The following WWOX variants were observed in gnomAD, a reference collection of about 807,000 sequenced individuals.
The protein encoded by WWOX is WW domain containing oxidoreductase, also known as WW domain-containing oxidoreductase.
A neutral mutation model predicts 46.2 loss-of-function variants in WWOX; 69 were observed. The ratio of observed to expected loss-of-function variants is 1.49; its 90% CI spans 1.23 to 1.82. The LOEUF is 1.82. Among genes scored for constraint, WWOX ranks in the 40% most tolerant of loss-of-function variants. WWOX has a pLI of 0.00. For synonymous variants in WWOX, 359 were observed against 202.6 expected (o/e 1.77, Z -6.56); for missense variants, 919 against 542.6 (o/e 1.69, Z -6.89).
chr16:78,608,489 C>A (rs1301165583), intron 8 of WWOX, among the ~76,000 whole-genome samples: 3 of 152,190 alleles, frequency 2.0e-5, no homozygotes, highest in Admixed American at 1.3e-4. Flanking sequence ...AGTGTTTTCC[C>A]TTTCAGCAGG....
chr16:78,552,458 A>C (rs556506916), intron 8 of WWOX: 1 of 152,318 alleles, frequency 6.6e-6, no homozygotes, highest in African/African-American at 2.4e-5. Context: ...CATGCTGGAT[A>C]TTTACCGTCA....
chr16:79,083,795 C>G (rs1180510874), intron 8 of WWOX, among the ~76,000 whole-genome samples: 1 of 152,194 alleles, frequency 6.6e-6, no homozygotes, highest in Non-Finnish European at 1.5e-5. Flanking sequence ...GAGGTCTTGT[C>G]TAACTCCTTG....
At chr16:78,533,297 C>T (rs987816856) in intron 8 of WWOX, among the ~76,000 whole-genome samples, 10 of 151,980 alleles carry the variant, frequency 6.6e-5, no homozygotes, top group African/African-American at 9.7e-5. Flanking sequence ...AATCCCAGCA[C>T]TTTTGGGTCA....
chr16:79,205,671 G>A lies in WWOX; in HGVS notation c.1057-5937G>A, dbSNP rs369102614. On this transcript the variant is annotated intron_variant, in intron 8 of 8. Transcript: ENST00000566780. ...CTGTGAGTTAGCAAAACTCCCAAAG[G>A]TTTATGAAGAAAGTTACATTTCAAT... 3.0e-3 allele frequency: 451 copies of A among 152,232 alleles called. 1 individual carries two copies. Among genetic ancestry groups the A allele is most frequent in the African/African-American group, 0.01 (416 of 41,532 alleles). The allele number at this position is 152,232 out of a possible 1,614,324, so 9.4% of individuals were successfully genotyped here. A position where few individuals can be genotyped will look rare whatever the true frequency, so the allele number is the denominator to read the frequency against.
chr16:79,040,508 T>C (rs2047950509), intron 8 of WWOX, among the ~76,000 whole-genome samples: 1 of 152,098 alleles, frequency 6.6e-6, no homozygotes, highest in Non-Finnish European at 1.5e-5. Context: ...ACTCCTGAGC[T>C]CAGGTGATCT....
intron 8 of WWOX, among the ~76,000 whole-genome samples, chr16:79,198,663 C>T (rs1403225879): frequency 1.3e-5 from 2 of 152,182 alleles, no homozygotes; most frequent in Non-Finnish European, 2.9e-5. Flanking sequence ...TGACACAGGT[C>T]CAAATTTCCC....
chr16:78,887,381 G>C (rs1269249434), intron 8 of WWOX, among the ~76,000 whole-genome samples: 2 of 151,410 alleles, frequency 1.3e-5, no homozygotes, highest in African/African-American at 4.9e-5. Context: ...GAATTATTCA[G>C]TGCATTCGCT....
intron 6 of WWOX, among the ~76,000 whole-genome samples, chr16:78,414,845 T>C (rs928541080): frequency 6.6e-6 from 1 of 152,120 alleles, no homozygotes; most frequent in Non-Finnish European, 1.5e-5. Context: ...TGCCCAGGAA[T>C]GACCAAAGAC....
intron 8 of WWOX, among the ~76,000 whole-genome samples, chr16:79,192,441 A>T (rs1346296903): frequency 6.6e-6 from 1 of 152,102 alleles, no homozygotes; most frequent in East Asian, 1.9e-4. Context: ...ACAAAATCTC[A>T]TTTTCAAGGA....
intron 5 of WWOX, chr16:78,355,784 C>G: frequency 4.2e-6 from 3 of 714,534 alleles, no homozygotes; most frequent in Non-Finnish European, 7.3e-6. Flanking sequence ...AGTGTTCTTT[C>G]TCCGGGGAGA....
At chr16:78,608,218 C>A (rs567752365) in intron 8 of WWOX, among the ~76,000 whole-genome samples, 1 of 152,078 alleles carries the variant, frequency 6.6e-6, no homozygotes, top group African/African-American at 2.4e-5. Context: ...TGAGACAGAA[C>A]AAAGAAAAGA....
At chr16:78,635,540 G>C (rs1338106355) in intron 8 of WWOX, among the ~76,000 whole-genome samples, 1 of 152,168 alleles carries the variant, frequency 6.6e-6, no homozygotes, top group Non-Finnish European at 1.5e-5. Context: ...GGGGAGGGCA[G>C]ACAAGTTGCT....
At chr16:79,119,227 C>G (rs1440226895) in intron 8 of WWOX, among the ~76,000 whole-genome samples, 1 of 151,350 alleles carries the variant, frequency 6.6e-6, no homozygotes, top group Non-Finnish European at 1.5e-5. Flanking sequence ...GATAAACAAA[C>G]AAATGGTGTG....
intron 8 of WWOX, among the ~76,000 whole-genome samples, chr16:78,468,028 A>G (rs547426724): frequency 1.3e-5 from 2 of 152,252 alleles, no homozygotes; most frequent in South Asian, 2.1e-4. Flanking sequence ...ACTGTTTAAG[A>G]AAGCTCAAAA....
intron 5 of WWOX, among the ~76,000 whole-genome samples, chr16:78,269,918 T>G (rs887119082): frequency 3.3e-5 from 5 of 151,404 alleles, no homozygotes; most frequent in African/African-American, 4.9e-5. Flanking sequence ...AAGGAAGTTT[T>G]TTTTTTTTTT....
At chr16:78,303,612 T>G (rs1465901747) in intron 5 of WWOX, among the ~76,000 whole-genome samples, 1 of 152,198 alleles carries the variant, frequency 6.6e-6, no homozygotes, top group Non-Finnish European at 1.5e-5. Flanking sequence ...TGGCACAATC[T>G]CGGCTCACTG....
At chr16:78,670,121 C>A (rs888269413) in intron 8 of WWOX, among the ~76,000 whole-genome samples, 9 of 151,552 alleles carry the variant, frequency 5.9e-5, no homozygotes, top group Non-Finnish European at 8.8e-5. Flanking sequence ...GTGAGGGCTT[C>A]TCTGCGTCAG....
At chr16:79,092,181 T>G (rs1018729468) in intron 8 of WWOX, among the ~76,000 whole-genome samples, 6 of 152,166 alleles carry the variant, frequency 3.9e-5, no homozygotes, top group Admixed American at 1.3e-4. Context: ...GGCTTCCTAC[T>G]TCATTTTCTT....
chr16:78,857,571 C>G lies in WWOX; in HGVS notation c.1057-354037C>G, dbSNP rs540391664. ...CCATCTACCCAAGCTGACTGTCGGT[C>G]AAGAGTCTAGTGACCTTAAACCAAA... On this transcript the variant is annotated intron_variant, in intron 8 of 8. Coordinates refer to ENST00000566780, the MANE Select transcript of WWOX (RefSeq NM_016373.4). Among the ~76,000 whole-genome samples the G allele has an allele frequency of 6.6e-5, 10 of 152,248 alleles. No homozygotes were observed. The East Asian group carries it at 9.7e-4, about 15-fold the overall frequency.
Sources: allele counts gnomAD v4.1 joint callset (sites outside exome capture counted in the v4.1 genomes callset), GRCh38; gene constraint gnomAD v4.1.1; transcripts MANE v1.5; gene names NCBI Gene and HGNC (gene_info 2026-07-23, HGNC 2026-07-21).